DGKH: variants seen among roughly 807,000 people sequenced by gnomAD.
DGKH encodes DAG kinase eta.
In DGKH, 90 loss-of-function variants were observed where a neutral mutation model predicts 159.3. The ratio of observed to expected loss-of-function variants is 0.57; its 90% CI spans 0.48 to 0.67. The LOEUF (loss-of-function observed/expected upper bound fraction) is 0.67. DGKH is among the 30% of genes least tolerant of loss of function. The probability of loss-of-function intolerance (pLI) is 0.00; values close to 1 mark genes in which losing one functional copy is unlikely to be tolerated. For missense variants in DGKH, 1,181 were observed against 1,506.1 expected, an observed-to-expected ratio of 0.78 and a Z score of 3.57; for synonymous variants, 536 against 553.8, an observed-to-expected ratio of 0.97 and a Z score of 0.45.
Position 42,221,309 on chromosome 13 carries a change from T to C in DGKH, c.3488T>C (p.Leu1163Pro), listed in dbSNP as rs767768271. 1.9e-6 allele frequency: 3 copies of C among 1,613,702 alleles called. No homozygotes were observed. The highest frequency in any genetic ancestry group is 2.2e-5 in the South Asian group (2 of 91,062). The change falls in exon 29 of 30, where the codon CTC becomes CCC. Residue 1163 changes from leucine (L) to proline (P), a missense_variant. Around this residue, in one of 5 missense-constraint regions of DGKH, gnomAD observed 84 missense variants for 77.9 expected, o/e 1.08. Transcript: ENST00000337343. ...TEEVAAWLDLLNLGEYKDIFI... is the reference protein window; with the variant it reads ...TEEVAAWLDLPNLGEYKDIFI... ...GAAGTTGCTGCTTGGCTGGATCTGC[T>C]CAATTTGGGAGAGTACAAAGATATC...
intron 20 of DGKH, among the ~76,000 whole-genome samples, chr13:42,201,696 T>A (rs1192057282): frequency 6.6e-6 from 1 of 152,218 alleles, no homozygotes; most frequent in Admixed American, 6.5e-5. Context: ...TCAAATGCAT[T>A]ATATGAAATA....
intron 20 of DGKH, among the ~76,000 whole-genome samples, chr13:42,203,224 C>T (rs1957388687): frequency 6.6e-6 from 1 of 151,976 alleles, no homozygotes; most frequent in Non-Finnish European, 1.5e-5. Context: ...TTCTACATAC[C>T]ACCTTTAATT....
chr13:42,199,461 A>G (rs1957294282), intron 18 of DGKH, 105 bp from the exon 19 acceptor site: 1 of 757,920 alleles, frequency 1.3e-6, no homozygotes. Context: ...ACAATCTGCT[A>G]TAAAATGAAA....
In DGKH at chr13:42,079,418, T is replaced by G. The variant is rs79117114; in HGVS notation, c.192+30453T>G. Among the ~76,000 whole-genome samples, 1,024 of 152,254 alleles carry G rather than the reference T, an allele frequency of 6.7e-3. 9 individuals are homozygous for G. Among genetic ancestry groups the G allele is most frequent in the African/African-American group, 0.024 (980 of 41,534 alleles). On this transcript the variant is annotated intron_variant, in intron 1 of 29. Transcript: ENST00000337343. ...TATACATCACCCAGATAATATACAG[T>G]GTACCCACTAACCAATTTCTCATCA...
At chr13:42,041,395 GC>G (rs1880496434) in intron 1 of DGKH, among the ~76,000 whole-genome samples, 1 of 152,146 alleles carries the variant, frequency 6.6e-6, no homozygotes, top group Admixed American at 6.5e-5. Flanking sequence ...CCAGAACCAC[GC>G]CTCCGACTCC....
At chr13:42,256,041 CTGGCCCTTGGT>C in intron 30 of DGKH, 1 of 1,481,244 alleles carries the variant, frequency 6.8e-7, no homozygotes, top group South Asian at 1.1e-5. Flanking sequence ...TTTCTGGGTT[CTGGCCCTTGGT>C]CAGGTCTGGG....
Position 42,240,594 on chromosome 13 carries a change from T to TG in DGKH, c.*11412dup, listed in dbSNP as rs1566233600. On this transcript the variant is annotated 3_prime_UTR_variant, in exon 30 of 30. Transcript: ENST00000337343. ...GTGGAATTTTTAAATAATATTCAGC[T>TG]GGGGGGAAATAGACTGAGTTTGTGT... is the stretch of plus-strand genomic sequence containing the variant. 1 of 152,094 alleles carries TG rather than the reference T, an allele frequency of 6.6e-6. No individual in the cohort carries two copies. The highest frequency in any genetic ancestry group is 1.5e-5 in the Non-Finnish European group (1 of 68,010). The allele number at this position is 152,094 out of a possible 1,614,324, so 9.4% of individuals were successfully genotyped here. A position where few individuals can be genotyped will look rare whatever the true frequency, so the allele number is the denominator to read the frequency against.
chr13:42,074,725 C>T (rs979228879), intron 1 of DGKH, among the ~76,000 whole-genome samples: 17 of 151,986 alleles, frequency 1.1e-4, no homozygotes, highest in African/African-American at 4.1e-4. Flanking sequence ...GAATATAGAT[C>T]CTATTTATGT....
intron 13 of DGKH, 62 bp from the exon 14 acceptor site, chr13:42,186,987 C>T (rs1485759860): frequency 2.8e-6 from 4 of 1,408,234 alleles, no homozygotes; most frequent in African/African-American, 1.4e-5. Context: ...TAAATATATT[C>T]ATAAATCAAG....
At chr13:42,185,875 T>C (rs1956907927) in intron 13 of DGKH, among the ~76,000 whole-genome samples, 1 of 152,184 alleles carries the variant, frequency 6.6e-6, no homozygotes, top group Non-Finnish European at 1.5e-5. Context: ...TATTACCTTT[T>C]GTTCAAATAA....
intron 1 of DGKH, among the ~76,000 whole-genome samples, chr13:42,049,219 G>T (rs886927376): frequency 6.6e-6 from 1 of 151,416 alleles, no homozygotes; most frequent in African/African-American, 2.4e-5. Context: ...GCGCTGGACC[G>T]CGGTGCTGCG....
At position 42,231,635 on chromosome 13, in the gene DGKH, A is replaced by T. The variant is rs576036676; in HGVS notation, c.*2447A>T. On this transcript the variant is annotated 3_prime_UTR_variant, in exon 30 of 30. Coordinates refer to ENST00000337343, the MANE Select transcript of DGKH (RefSeq NM_178009.5). Reference sequence around the variant, plus strand: ...TGTATTAATATAAATATCTATATTGATTTTCACCCCCCATTCCCCTTTGCT... The same window carrying T: ...TGTATTAATATAAATATCTATATTGTTTTTCACCCCCCATTCCCCTTTGCT... 6.6e-6 allele frequency: 1 copy of T among 152,204 alleles called. No homozygotes were observed. The highest frequency in any genetic ancestry group is 2.4e-5 in the African/African-American group (1 of 41,450). The allele number at this position is 152,204 out of a possible 1,614,324, so 9.4% of individuals were successfully genotyped here.
intron 1 of DGKH, among the ~76,000 whole-genome samples, chr13:42,050,933 A>G (rs922169502): frequency 6.6e-6 from 1 of 152,266 alleles, no homozygotes; most frequent in Non-Finnish European, 1.5e-5. Context: ...ATGCATACTT[A>G]TATCAGGATT....
At chr13:42,082,813 A>G (rs977240813) in intron 1 of DGKH, among the ~76,000 whole-genome samples, 2 of 152,128 alleles carry the variant, frequency 1.3e-5, no homozygotes, top group Admixed American at 1.3e-4. Context: ...TACAAATTGC[A>G]TTGTCAATTT....
chr13:42,200,952 TTTC>T (rs2138158340), intron 20 of DGKH, among the ~76,000 whole-genome samples: 1 of 152,216 alleles, frequency 6.6e-6, no homozygotes, highest in African/African-American at 2.4e-5. Flanking sequence ...CATTCCTTTT[TTTC>T]TTCATGTACC....
At chr13:42,144,424 C>T (rs181116584) in intron 3 of DGKH, among the ~76,000 whole-genome samples, 222 of 152,196 alleles carry the variant, frequency 1.5e-3, no homozygotes, top group African/African-American at 4.8e-3. Flanking sequence ...CGGTGGCTCA[C>T]GCCTGTAATC....
At chr13:42,055,391 A>G (rs1365062413) in intron 1 of DGKH, among the ~76,000 whole-genome samples, 1 of 152,270 alleles carries the variant, frequency 6.6e-6, no homozygotes, top group African/African-American at 2.4e-5. Context: ...ACAGTAATAT[A>G]TGGTATAACA....
At chr13:42,167,385 G>A (rs982997127) in intron 9 of DGKH, among the ~76,000 whole-genome samples, 2 of 152,158 alleles carry the variant, frequency 1.3e-5, no homozygotes, top group Admixed American at 6.5e-5. Flanking sequence ...GCATGAACAC[G>A]GAAGTAGAAG....
chr13:42,040,425 C>T (rs1880411529), intron 1 of DGKH, among the ~76,000 whole-genome samples: 2 of 151,718 alleles, frequency 1.3e-5, no homozygotes, highest in Admixed American at 6.6e-5. Context: ...ACCCGGCGGC[C>T]GCTTTCGGTT....
Sources: gnomAD v4.1 joint callset for allele counts (sites outside exome capture counted in the v4.1 genomes callset) on GRCh38, gnomAD v4.1.1 for gene constraint, gnomAD v4.1.1 regional missense constraint, MANE v1.5 for transcripts, NCBI Gene and HGNC (gene_info 2026-07-23, HGNC 2026-07-21) for gene names.